Variants in PLCL1 observed in about 807,000 individuals in gnomAD.
PLCL1 encodes inactive phospholipase C-like protein 1.
PLCL1 carries 41 observed loss-of-function variants against 84.4 expected under a neutral mutation model. The ratio of observed to expected loss-of-function variants is 0.49; its 90% CI spans 0.38 to 0.63. The LOEUF is 0.63. Ranked by LOEUF, PLCL1 falls within the 30% of genes least tolerant of loss-of-function variation. The probability of loss-of-function intolerance (pLI) is 0.00; values close to 1 mark genes in which losing one functional copy is unlikely to be tolerated. For missense variants in PLCL1, 1,206 were observed against 1,367.8 expected (o/e 0.88, Z 1.87); for synonymous variants, 490 against 488.3 (o/e 1.00, Z -0.05).
chr2:198,104,561 T>G (rs1211922083), intron 5 of PLCL1, among the ~76,000 whole-genome samples: 4 of 152,058 alleles, frequency 2.6e-5, no homozygotes, highest in Non-Finnish European at 5.9e-5. Flanking sequence ...TACCCACTAA[T>G]GGGATTGCTG....
intron 5 of PLCL1, among the ~76,000 whole-genome samples, chr2:198,111,228 T>C (rs547356848): frequency 6.6e-6 from 1 of 151,992 alleles, no homozygotes; most frequent in East Asian, 2.0e-4. Context: ...CACAGGTAAG[T>C]AATGGTCACT....
intron 1 of PLCL1, among the ~76,000 whole-genome samples, chr2:197,818,624 C>T (rs1690740783): frequency 6.6e-6 from 1 of 152,104 alleles, no homozygotes; most frequent in Non-Finnish European, 1.5e-5. Context: ...CTGATTCAGC[C>T]TTCTCAGTAG....
intron 1 of PLCL1, among the ~76,000 whole-genome samples, chr2:197,956,191 G>A (rs1435664368): frequency 6.6e-6 from 1 of 152,154 alleles, no homozygotes; most frequent in Non-Finnish European, 1.5e-5. Flanking sequence ...TGGTGTATAT[G>A]TGCCACATGT....
rs1036042656 is a variant in PLCL1 at position 198,086,091 on chromosome 2, G to A, written c.2574G>A (p.Lys858=). The A allele has an allele frequency of 3.1e-6, 5 of 1,614,122 alleles. No individual in the cohort carries two copies. The highest frequency in any genetic ancestry group is 4.2e-6 in the Non-Finnish European group (5 of 1,179,982). ...GAAGTGGAGGAGGAAAGGCACAGAA[G>A]CGCAGTCTTTCAGTGAGAATGGGGA... is the stretch of plus-strand genomic sequence containing the variant. ...TNRSGGGKAQ[K]RSLSVRMGKK... Residue 858 remains lysine, a synonymous_variant, in exon 2 of 6, where the codon AAG becomes AAA. Coordinates refer to ENST00000428675, the MANE Select transcript of PLCL1 (RefSeq NM_006226.4).
Position 197,910,526 on chromosome 2 carries a change from C to T in PLCL1, c.240+105187C>T, listed in dbSNP as rs116382417. Among the ~76,000 whole-genome samples the T allele has an allele frequency of 3.5e-3, 529 of 152,310 alleles. 4 individuals carry two copies. Among genetic ancestry groups the T allele is most frequent in the African/African-American group, 0.012 (490 of 41,560 alleles). ...TGTTTATTTTTGTTTATCAGCTCAC[C>T]TCAATATCTGGGTGAGAAACTCTGT... On this transcript the variant is annotated intron_variant, in intron 1 of 5. Transcript: ENST00000428675.
chr2:197,985,012 T>C (rs1484868587), intron 1 of PLCL1, among the ~76,000 whole-genome samples: 1 of 152,092 alleles, frequency 6.6e-6, no homozygotes, highest in Non-Finnish European at 1.5e-5. Context: ...GCGATCATTA[T>C]GTACATTTTT....
chr2:197,842,801 A>G (rs1291305922), intron 1 of PLCL1, among the ~76,000 whole-genome samples: 2 of 152,138 alleles, frequency 1.3e-5, no homozygotes, highest in Non-Finnish European at 2.9e-5. Context: ...CCTCTGTCGT[A>G]TACTGTCTCA....
At chr2:198,107,052 A>G (rs957060756) in intron 5 of PLCL1, among the ~76,000 whole-genome samples, 2 of 151,930 alleles carry the variant, frequency 1.3e-5, no homozygotes, top group African/African-American at 2.4e-5. Context: ...TTAATTTATA[A>G]GAGAAAGAGG....
At chr2:197,999,175 C>G (rs1690539133) in intron 1 of PLCL1, among the ~76,000 whole-genome samples, 1 of 152,128 alleles carries the variant, frequency 6.6e-6, no homozygotes. Context: ...CCCTAAAGGT[C>G]AGCTTCTCAA....
In PLCL1 at chr2:198,051,836, G is replaced by A. The variant is rs1330347982; in HGVS notation, c.241-31922G>A. 4.6e-5 allele frequency among the ~76,000 whole-genome samples: 7 copies of A among 151,564 alleles called. No homozygotes were observed. The South Asian group carries it at 1.2e-3, about 27-fold the overall frequency. ...TGCAACCTGTCTCCTGGGTTCAAGCGATTCTCCTGCCTCAGCCTCCCGAGT... is the reference window on the plus strand; with the variant it reads ...TGCAACCTGTCTCCTGGGTTCAAGCAATTCTCCTGCCTCAGCCTCCCGAGT... On this transcript the variant is annotated intron_variant, in intron 1 of 5. Transcript: ENST00000428675.
At chr2:197,969,903 G>A (rs985050904) in intron 1 of PLCL1, among the ~76,000 whole-genome samples, 1 of 152,326 alleles carries the variant, frequency 6.6e-6, no homozygotes, top group Admixed American at 6.5e-5. Context: ...CAAAGTGCAT[G>A]TAGTTTAAAC....
At chr2:198,076,780 T>C (rs1692584635) in intron 1 of PLCL1, among the ~76,000 whole-genome samples, 1 of 152,220 alleles carries the variant, frequency 6.6e-6, no homozygotes, top group African/African-American at 2.4e-5. Flanking sequence ...GTGAAATTAA[T>C]GGTATAATTC....
intron 1 of PLCL1, among the ~76,000 whole-genome samples, chr2:197,834,452 A>G (rs1205079050): frequency 6.6e-6 from 1 of 152,240 alleles, no homozygotes; most frequent in African/African-American, 2.4e-5. Flanking sequence ...AAACAAATTT[A>G]CAAGAAAAAA....
At chr2:198,100,385 G>A (rs1413397748) in intron 3 of PLCL1, among the ~76,000 whole-genome samples, 1 of 151,996 alleles carries the variant, frequency 6.6e-6, no homozygotes, top group Admixed American at 6.6e-5. Flanking sequence ...AGACAGAAGG[G>A]GAAATCAGGA....
intron 1 of PLCL1, among the ~76,000 whole-genome samples, chr2:198,021,117 T>G (rs1211935550): frequency 6.6e-6 from 1 of 152,198 alleles, no homozygotes; most frequent in Non-Finnish European, 1.5e-5. Flanking sequence ...AACTACTACA[T>G]GGAAACTGAA....
In PLCL1 at chr2:197,817,118, A is replaced by G. The variant is rs964281975; in HGVS notation, c.240+11779A>G. 1.1e-4 allele frequency among the ~76,000 whole-genome samples: 16 copies of G among 152,230 alleles called. No homozygotes were observed. The Middle Eastern group carries it at 0.014, about 130-fold the overall frequency. On this transcript the variant is annotated intron_variant, in intron 1 of 5. Coordinates refer to ENST00000428675, the MANE Select transcript of PLCL1 (RefSeq NM_006226.4). ...TTTTGTATGTCAGTTTTAATTATCT[A>G]TCTGAAGTTATGTTAAATTATTGAA...
At position 197,879,468 on chromosome 2, in the gene PLCL1, C is replaced by T. The variant is rs565813459; in HGVS notation, c.240+74129C>T. 5.3e-5 allele frequency among the ~76,000 whole-genome samples: 8 copies of T among 152,048 alleles called. No individual in the cohort carries two copies. The South Asian group carries it at 1.7e-3, about 31-fold the overall frequency. On this transcript the variant is annotated intron_variant, in intron 1 of 5. Coordinates refer to ENST00000428675, the MANE Select transcript of PLCL1 (RefSeq NM_006226.4). Reference sequence around the variant, plus strand: ...TGTAACTAACTTGTGCTTGCTGGTTCTGGAATTTGATGATAAAAAATGGAT... The same window carrying T: ...TGTAACTAACTTGTGCTTGCTGGTTTTGGAATTTGATGATAAAAAATGGAT...
chr2:198,092,495 T>G (rs1693070692), intron 3 of PLCL1, among the ~76,000 whole-genome samples: 1 of 152,172 alleles, frequency 6.6e-6, no homozygotes, highest in African/African-American at 2.4e-5. Flanking sequence ...TTTAAAATCC[T>G]CTCTTCTGGC....
At position 198,089,402 on chromosome 2, in the gene PLCL1, A is replaced by G. The variant is rs6706528; in HGVS notation, c.2919+341A>G. On this transcript the variant is annotated intron_variant, in intron 3 of 5. Transcript: ENST00000428675. ...AATTATATACCTATGGGAAGTAAAC[A>G]TGTCTCAGTGCTGCCTTATGATGGT... 2.1e-3 allele frequency among the ~76,000 whole-genome samples: 315 copies of G among 152,320 alleles called. 1 individual carries two copies. Among genetic ancestry groups the G allele is most frequent in the African/African-American group, 7.4e-3 (307 of 41,558 alleles).
Sources: gnomAD v4.1 joint callset for allele counts (sites outside exome capture counted in the v4.1 genomes callset) on GRCh38, gnomAD v4.1.1 for gene constraint, MANE v1.5 for transcripts, NCBI Gene and HGNC (gene_info 2026-07-23, HGNC 2026-07-21) for gene names.